Variants in CLDN10 observed in about 807,000 individuals in gnomAD.
The protein encoded by CLDN10 is claudin 10.
CLDN10 carries 15 observed loss-of-function variants against 22.9 expected under a neutral mutation model. That is an observed-to-expected ratio of 0.65 (90% confidence interval 0.44 to 1.01). The LOEUF is 1.01. Ranked by LOEUF, CLDN10 falls within the 50% of genes least tolerant of loss-of-function variation. The probability of loss-of-function intolerance (pLI) is 0.00; values close to 1 mark genes in which losing one functional copy is unlikely to be tolerated. For synonymous variants in CLDN10, 114 were observed against 111.4 expected, an observed-to-expected ratio of 1.02 and a Z score of -0.15; for missense variants, 247 against 287.8, an observed-to-expected ratio of 0.86 and a Z score of 1.03.
intron 1 of CLDN10, among the ~76,000 whole-genome samples, chr13:95,492,214 G>A (rs1220042373): frequency 6.6e-6 from 1 of 152,034 alleles, no homozygotes; most frequent in Non-Finnish European, 1.5e-5. Flanking sequence ...TGGTGGGTGG[G>A]GCCCTAGAAC....
intron 1 of CLDN10, among the ~76,000 whole-genome samples, chr13:95,473,161 GA>G (rs66634064): frequency 0.4 from 35,566 of 87,916 alleles, 6,124 homozygotes; most frequent in African/African-American, 0.63. Context: ...AAAAAAAAAG[GA>G]GAGAGAGAGA....
chr13:95,571,706 CTTAGA>C (rs1279063764), intron 3 of CLDN10, among the ~76,000 whole-genome samples: 2 of 152,030 alleles, frequency 1.3e-5, no homozygotes, highest in African/African-American at 4.8e-5. Flanking sequence ...TTATATAGAT[CTTAGA>C]TTATAGATTA....
chr13:95,553,049 A>G (rs1397925508), intron 1 of CLDN10, 76 bp downstream of exon 1: 20 of 1,557,174 alleles, frequency 1.3e-5, no homozygotes, highest in African/African-American at 1.2e-4. Context: ...CTCGCCCCCA[A>G]TACCCCCAGC....
intron 1 of CLDN10, among the ~76,000 whole-genome samples, chr13:95,538,395 C>A (rs780194828): frequency 6.6e-6 from 1 of 152,022 alleles, no homozygotes; most frequent in Non-Finnish European, 1.5e-5. Context: ...ACCTTGGACT[C>A]CCAAAGTGCT....
chr13:95,475,360 T>A (rs1306468064), intron 1 of CLDN10, among the ~76,000 whole-genome samples: 1 of 152,162 alleles, frequency 6.6e-6, no homozygotes, highest in Non-Finnish European at 1.5e-5. Flanking sequence ...CAGCCCGGCC[T>A]CCTGGGGACC....
intron 3 of CLDN10, among the ~76,000 whole-genome samples, chr13:95,570,357 A>T (rs1443250821): frequency 6.6e-6 from 1 of 152,228 alleles, no homozygotes; most frequent in African/African-American, 2.4e-5. Flanking sequence ...GATGGTGCTA[A>T]GCAACTGATT....
intron 1 of CLDN10, among the ~76,000 whole-genome samples, chr13:95,527,609 G>A (rs1385844573): frequency 6.6e-6 from 1 of 152,062 alleles, no homozygotes; most frequent in African/African-American, 2.4e-5. Flanking sequence ...GATGGTGGGT[G>A]CCTGTAATCC....
At chr13:95,466,039 A>G (rs898272925) in intron 1 of CLDN10, among the ~76,000 whole-genome samples, 4 of 151,746 alleles carry the variant, frequency 2.6e-5, no homozygotes, top group African/African-American at 9.7e-5. Flanking sequence ...ATGTTTATTT[A>G]TTTATTTTAC....
At chr13:95,470,830 G>A (rs2042623059) in intron 1 of CLDN10, among the ~76,000 whole-genome samples, 1 of 152,090 alleles carries the variant, frequency 6.6e-6, no homozygotes, top group Non-Finnish European at 1.5e-5. Flanking sequence ...TCAGCCCAAC[G>A]GTGAAAGAGA....
intron 1 of CLDN10, among the ~76,000 whole-genome samples, chr13:95,476,012 C>T (rs751460436): frequency 3.9e-5 from 6 of 152,154 alleles, no homozygotes; most frequent in African/African-American, 9.7e-5. Context: ...CCACCCCCAT[C>T]GCCCAGATTG....
upstream of CLDN10, among the ~76,000 whole-genome samples, chr13:95,549,401 T>C (rs2043542202): frequency 6.6e-6 from 1 of 152,238 alleles, no homozygotes; most frequent in African/African-American, 2.4e-5. Context: ...GGGAACTGTA[T>C]AATCTTAAAG....
At chr13:95,540,920 C>T (rs1203169692) in intron 1 of CLDN10, among the ~76,000 whole-genome samples, 1 of 152,176 alleles carries the variant, frequency 6.6e-6, no homozygotes, top group African/African-American at 2.4e-5. Flanking sequence ...CTCTTGTGGA[C>T]GTGTCATGTT....
chr13:95,566,243 C>A (rs1015179791), intron 3 of CLDN10, among the ~76,000 whole-genome samples: 1 of 152,234 alleles, frequency 6.6e-6, no homozygotes, highest in Non-Finnish European at 1.5e-5. Context: ...CTCCCACCAA[C>A]AGTGTAAAAG....
At chr13:95,486,744 A>G (rs1183284843) in intron 1 of CLDN10, among the ~76,000 whole-genome samples, 1 of 152,096 alleles carries the variant, frequency 6.6e-6, no homozygotes, top group African/African-American at 2.4e-5. Flanking sequence ...CATCCTGGCC[A>G]TATGATTCAG....
chr13:95,467,049 TTG>T (rs2042587737), intron 1 of CLDN10, among the ~76,000 whole-genome samples: 2 of 151,502 alleles, frequency 1.3e-5, no homozygotes, highest in Non-Finnish European at 2.9e-5. Flanking sequence ...TTTTTTTTTT[TTG>T]TATTTTTAGC....
At chr13:95,567,052 C>T (rs1049150782) in intron 3 of CLDN10, among the ~76,000 whole-genome samples, 25 of 151,996 alleles carry the variant, frequency 1.6e-4, no homozygotes, top group Non-Finnish European at 4.4e-5. Context: ...AGTCAGGTAG[C>T]GTGATGCCTC....
At chr13:95,458,436 T>C (rs1472519096) in intron 1 of CLDN10, among the ~76,000 whole-genome samples, 8 of 152,154 alleles carry the variant, frequency 5.3e-5, no homozygotes. Flanking sequence ...AATCAACTCA[T>C]GCTTCTGCAT....
At chr13:95,551,330 A>AT (rs2043563903), upstream of CLDN10, among the ~76,000 whole-genome samples, 1 of 152,230 alleles carries the variant, frequency 6.6e-6, no homozygotes, top group Non-Finnish European at 1.5e-5. Flanking sequence ...CCATGCACTG[A>AT]ACTGCTGGTC....
At chr13:95,498,288 T>G (rs1044268579) in intron 1 of CLDN10, among the ~76,000 whole-genome samples, 34 of 152,240 alleles carry the variant, frequency 2.2e-4, no homozygotes, top group Non-Finnish European at 1.5e-5. Flanking sequence ...TAGATCCTTC[T>G]CCAGCAGCAT....
Sources: gnomAD v4.1 joint callset for allele counts (sites outside exome capture counted in the v4.1 genomes callset) on GRCh38, gnomAD v4.1.1 for gene constraint, MANE v1.5 for transcripts, NCBI Gene and HGNC (gene_info 2026-07-23, HGNC 2026-07-21) for gene names.